FSHR: variants seen among roughly 807,000 people sequenced by gnomAD.
The protein encoded by FSHR is follicle-stimulating hormone receptor.
FSHR carries 46 observed loss-of-function variants against 52.1 expected under a neutral mutation model. The observed-to-expected ratio is 0.88, with a 90% CI of 0.70 to 1.13. The LOEUF is 1.13. FSHR is among the 50% of genes most tolerant of loss of function. The pLI, the probability that FSHR is intolerant of heterozygous loss-of-function variation, is 0.00. For missense variants in FSHR, 964 were observed against 834.6 expected, an observed-to-expected ratio of 1.16 and a Z score of -1.91; for synonymous variants, 399 against 309.6, an observed-to-expected ratio of 1.29 and a Z score of -3.03.
intron 1 of FSHR, among the ~76,000 whole-genome samples, chr2:49,111,749 AACCAT>A (rs987838480): frequency 5.4e-4 from 82 of 152,228 alleles, no homozygotes; most frequent in African/African-American, 1.8e-3. Flanking sequence ...AGGCTCTGGG[AACCAT>A]AATGGCTTAG....
chr2:48,979,803 C>CT (rs756359138), intron 8 of FSHR, among the ~76,000 whole-genome samples: 2 of 151,622 alleles, frequency 1.3e-5, no homozygotes, highest in South Asian at 4.2e-4. Flanking sequence ...ATATCACAGT[C>CT]TTTGTGTGTG....
Position 48,963,222 on chromosome 2 carries a change from G to T in FSHR, c.1599C>A (p.Ser533=). 1 of 1,614,152 alleles carries T rather than the reference G, an allele frequency of 6.2e-7. No homozygotes were observed. ...DSPLSQLYVM[S]LLVLNVLAFV... is the part of the protein sequence containing the mutation. ...AGGCCAGGACATTGAGCACAAGGAG[G>T]GACATGACATACAGCTGTGACAAAG... The change falls in exon 10 of 10, where the codon TCC becomes TCA. Residue 533 remains serine (S), a synonymous_variant. Coordinates refer to ENST00000406846, the MANE Select transcript of FSHR (RefSeq NM_000145.4).
rs1042024966 is a variant in FSHR at position 49,017,965 on chromosome 2, G to A, written c.300-402C>T. On this transcript the variant is annotated intron_variant, in intron 3 of 9. Transcript: ENST00000406846. ...TGGCGAAATGAGTGTTTGTCTGGTC[G>A]GGAGGCAAGAGAAAAAGGAATGAAA... 2.0e-5 allele frequency among the ~76,000 whole-genome samples: 3 copies of A among 151,806 alleles called. No individual in the cohort carries two copies. The East Asian group carries it at 5.8e-4, about 29-fold the overall frequency.
chr2:49,110,105 G>T (rs1473834065), intron 1 of FSHR, among the ~76,000 whole-genome samples: 1 of 152,102 alleles, frequency 6.6e-6, no homozygotes, highest in Non-Finnish European at 1.5e-5. Flanking sequence ...TTTTTATGTT[G>T]CTTATGCCCT....
chr2:49,061,870 T>C (rs185018927), intron 2 of FSHR, among the ~76,000 whole-genome samples: 22 of 145,022 alleles, frequency 1.5e-4, no homozygotes, highest in Middle Eastern at 3.6e-3. Context: ...TATTTATATA[T>C]ATATATTTAT....
chr2:49,145,709 T>C (rs185554196), intron 1 of FSHR, among the ~76,000 whole-genome samples: 31 of 152,224 alleles, frequency 2.0e-4, no homozygotes, highest in Admixed American at 5.9e-4. Flanking sequence ...TTGAGTTCTT[T>C]TTTGGCAACT....
intron 4 of FSHR, among the ~76,000 whole-genome samples, chr2:49,015,741 G>A (rs958183157): frequency 2.0e-5 from 3 of 152,154 alleles, no homozygotes; most frequent in Non-Finnish European, 4.4e-5. Context: ...GAAAGTAGAA[G>A]AGCTCATAAC....
chr2:48,991,200 C>T (rs1675759764), intron 4 of FSHR, among the ~76,000 whole-genome samples: 2 of 152,116 alleles, frequency 1.3e-5, no homozygotes, highest in Admixed American at 1.3e-4. Flanking sequence ...TTCAGACCTA[C>T]CCAGGATCCT....
At chr2:49,076,454 A>G (rs879807223) in intron 1 of FSHR, among the ~76,000 whole-genome samples, 6 of 152,134 alleles carry the variant, frequency 3.9e-5, no homozygotes, top group African/African-American at 9.7e-5. Context: ...CCTTGATTCA[A>G]TTACCTCCCA....
At chr2:48,990,528 G>C in intron 5 of FSHR, 38 bp downstream of exon 5, 1 of 1,301,984 alleles carries the variant, frequency 7.7e-7, no homozygotes, top group Non-Finnish European at 1.1e-6. Flanking sequence ...GACAGATACT[G>C]AGTAAAGAGT....
chr2:49,097,845 T>G (rs1301307951), intron 1 of FSHR, among the ~76,000 whole-genome samples: 1 of 152,202 alleles, frequency 6.6e-6, no homozygotes, highest in Non-Finnish European at 1.5e-5. Flanking sequence ...TTGTTAGATT[T>G]AATTCATAAT....
chr2:49,025,644 C>A (rs1177664601), intron 2 of FSHR, among the ~76,000 whole-genome samples: 1 of 152,100 alleles, frequency 6.6e-6, no homozygotes, highest in African/African-American at 2.4e-5. Context: ...GAGTCTGGGA[C>A]TAAATTCATC....
chr2:49,018,797 A>C (rs1245320917), intron 3 of FSHR, among the ~76,000 whole-genome samples: 1 of 151,986 alleles, frequency 6.6e-6, no homozygotes, highest in Non-Finnish European at 1.5e-5. Context: ...GAGATTGCCA[A>C]ATGAGCAGAC....
intron 2 of FSHR, 122 bp from the exon 3 acceptor site, chr2:49,020,282 C>G: frequency 1.2e-6 from 1 of 843,902 alleles, no homozygotes; most frequent in East Asian, 2.5e-5. Context: ...CCTTTCCTGC[C>G]ATTAAAGAAG....
intron 3 of FSHR, among the ~76,000 whole-genome samples, chr2:49,018,631 G>C (rs1221770438): frequency 1.3e-5 from 2 of 152,120 alleles, no homozygotes; most frequent in Non-Finnish European, 1.5e-5. Flanking sequence ...AATGTCTGTG[G>C]GTTCTTCCCA....
At chr2:49,140,623 C>G (rs962114427) in intron 1 of FSHR, among the ~76,000 whole-genome samples, 4 of 151,782 alleles carry the variant, frequency 2.6e-5, no homozygotes, top group Non-Finnish European at 5.9e-5. Flanking sequence ...TCACTTGAAC[C>G]CAAGAGGCAG....
chr2:49,002,316 C>G (rs534598194), intron 4 of FSHR, among the ~76,000 whole-genome samples: 61 of 152,224 alleles, frequency 4.0e-4, no homozygotes, highest in African/African-American at 1.4e-3. Flanking sequence ...CCCTTCCTTC[C>G]TCTTCTCTCT....
chr2:49,038,627 AAT>A (rs1553337066), intron 2 of FSHR, among the ~76,000 whole-genome samples: 1 of 19,588 alleles, frequency 5.1e-5, no homozygotes, highest in African/African-American at 1.5e-4. Flanking sequence ...TCTGTCTCAA[AAT>A]AATAATAATA....
In FSHR at chr2:49,098,784, TATA is replaced by T. The variant is rs897188681; in HGVS notation, c.153-30497_153-30495del. Among the ~76,000 whole-genome samples, 650 of 147,080 alleles carry T rather than the reference TATA, an allele frequency of 4.4e-3. 4 individuals carry two copies. Among genetic ancestry groups the T allele is most frequent in the African/African-American group, 0.015 (603 of 40,562 alleles). ...ATAATATGTATTTATATTATATACT[TATA>T]ATAATATATATTTATAATATGTATA... On this transcript the variant is annotated intron_variant, in intron 1 of 9. Coordinates refer to ENST00000406846, the MANE Select transcript of FSHR (RefSeq NM_000145.4).
Sources: allele counts gnomAD v4.1 joint callset (sites outside exome capture counted in the v4.1 genomes callset), GRCh38; gene constraint gnomAD v4.1.1; transcripts MANE v1.5; gene names NCBI Gene and HGNC (gene_info 2026-07-23, HGNC 2026-07-21).